Variants in ADAMTS14 observed in about 807,000 individuals in gnomAD.
ADAMTS14 encodes the protein A disintegrin and metalloproteinase with thrombospondin motifs 14.
In ADAMTS14, 100 loss-of-function variants were observed where a neutral mutation model predicts 128.6. The observed-to-expected ratio is 0.78, with a 90% CI of 0.66 to 0.92. The LOEUF (loss-of-function observed/expected upper bound fraction) is 0.92, where lower values mean the gene tolerates loss of function less well. Ranked by LOEUF, ADAMTS14 falls within the 40% of genes least tolerant of loss-of-function variation. ADAMTS14 has a pLI of 0.00. For missense variants in ADAMTS14, 1,562 were observed against 1,658.6 expected, an observed-to-expected ratio of 0.94 and a Z score of 1.01; for synonymous variants, 665 against 653.8, an observed-to-expected ratio of 1.02 and a Z score of -0.26.
chr10:70,723,793 C>T (rs1046190168), intron 4 of ADAMTS14, among the ~76,000 whole-genome samples: 5 of 152,268 alleles, frequency 3.3e-5, no homozygotes, highest in South Asian at 2.1e-4. Flanking sequence ...GAGTTGTAAA[C>T]GCTCCTCATT....
At position 70,752,152 on chromosome 10, in the gene ADAMTS14, G is replaced by A. The variant is rs370774550; in HGVS notation, c.2654G>A (p.Arg885Gln). ...AGACGAGACCACCACATGGTGCAGC[G>A]ACACCTGTGTGACCACAAGAAGAGG... The part of the protein sequence containing the change: ...RRRRDHHMVQ[R>Q]HLCDHKKRPK... Residue 885 changes from arginine (R) to glutamine (Q), a missense_variant, in exon 18 of 22, where the codon CGA becomes CAA. Physicochemically the swap from Arg to Gln is conservative, Grantham distance 43. Transcript: ENST00000373207. 9.9e-6 allele frequency: 16 copies of A among 1,613,468 alleles called. No homozygotes were observed. The highest frequency in any genetic ancestry group is 1.4e-5 in the Non-Finnish European group (16 of 1,179,976).
At position 70,730,135 on chromosome 10, in the gene ADAMTS14, C is replaced by T. The variant is rs41307534; in HGVS notation, c.988C>T (p.Arg330Cys). 3.7e-3 allele frequency: 5,895 copies of T among 1,610,890 alleles called. 35 individuals carry two copies. The highest frequency in any genetic ancestry group is 0.012 in the South Asian group (1,103 of 91,030). ...CCTGATCGAGCGCGGGAACCCCTCA[C>T]GCAGCCTGGAGCAGGTGTGTCGCTG... ...LSLIERGNPS[R>C]SLEQVCRWAH... The change falls in exon 6 of 22, where the codon CGC (arginine) becomes TGC (cysteine). Residue 330 changes from arginine to cysteine, a missense_variant. Transcript: ENST00000373207.
Position 70,753,887 on chromosome 10 carries a change from C to A in ADAMTS14, c.2817C>A (p.Leu939=). ...GGGGGATACAGTGCCTGCTGCCCCT[C>A]TCCAATGGAACCCACAAGGTCATGC... ...QTRGIQCLLP[L]SNGTHKVMPA... is the part of the protein sequence containing the mutation. The change falls in exon 19 of 22, where the codon CTC becomes CTA. Residue 939 remains leucine (L), a synonymous_variant. Transcript: ENST00000373207. The A allele has an allele frequency of 6.3e-7, 1 of 1,592,070 alleles. No individual in the cohort carries two copies. The highest frequency in any genetic ancestry group is 2.3e-5 in the East Asian group (1 of 44,074).
At chr10:70,747,480 G>A (rs12242623) in intron 15 of ADAMTS14, among the ~76,000 whole-genome samples, 9,146 of 152,182 alleles carry the variant, frequency 0.06, 889 homozygotes, top group African/African-American at 0.21. Flanking sequence ...TAGGGGCCGG[G>A]GGAGGGAAGG....
At position 70,702,386 on chromosome 10, in the gene ADAMTS14, C is replaced by T; in HGVS notation, c.597C>T (p.Ala199=). The change falls in exon 3 of 22, where the codon GCC becomes GCT. Residue 199 remains alanine, a synonymous_variant. Transcript: ENST00000373207. ...PLERGQQEKE[A]SGRTHVVYRR... is the part of the protein sequence containing the mutation. Reference sequence around the variant, plus strand: ...AGCGGGGCCAGCAGGAGAAGGAGGCCAGCGGGAGGACACATGTGGTGTACC... The same window carrying T: ...AGCGGGGCCAGCAGGAGAAGGAGGCTAGCGGGAGGACACATGTGGTGTACC... 6.2e-7 allele frequency: 1 copy of T among 1,614,118 alleles called. No homozygotes were observed. The highest frequency in any genetic ancestry group is 8.5e-7 in the Non-Finnish European group (1 of 1,180,008).
Position 70,708,674 on chromosome 10 carries a change from C to A in ADAMTS14, c.766C>A (p.Pro256Thr), listed in dbSNP as rs1306778495. Reference protein sequence around the residue: ...DTERKRRHAKPGSYSIEVLLV... With the variant: ...DTERKRRHAKTGSYSIEVLLV... ...AGAGCGGAAGCGGCGGCATGCCAAG[C>A]CAGGCAGCTACAGCATCGAGGTGCT... is the stretch of plus-strand genomic sequence containing the variant. The change falls in exon 4 of 22, where the codon CCA (proline) becomes ACA (threonine). Residue 256 changes from proline to threonine, a missense_variant. Coordinates refer to ENST00000373207, the MANE Select transcript of ADAMTS14 (RefSeq NM_080722.4). 1 of 1,613,702 alleles carries A rather than the reference C, an allele frequency of 6.2e-7. No homozygotes were observed. The highest frequency in any genetic ancestry group is 1.7e-5 in the Admixed American group (1 of 60,008).
At chr10:70,709,396 TA>T (rs1322376912) in intron 4 of ADAMTS14, among the ~76,000 whole-genome samples, 1 of 151,720 alleles carries the variant, frequency 6.6e-6, no homozygotes, top group African/African-American at 2.4e-5. Flanking sequence ...ACAGAAAAGC[TA>T]GTTTTTCAAG....
At chr10:70,719,450 G>A (rs1295481638) in intron 4 of ADAMTS14, among the ~76,000 whole-genome samples, 7 of 151,650 alleles carry the variant, frequency 4.6e-5, no homozygotes, top group Non-Finnish European at 8.8e-5. Flanking sequence ...CACCCAGGCT[G>A]GAGTGCAGTG....
intron 2 of ADAMTS14, among the ~76,000 whole-genome samples, chr10:70,685,936 T>A (rs571352542): frequency 6.6e-6 from 1 of 152,154 alleles, no homozygotes; most frequent in Non-Finnish European, 1.5e-5. Flanking sequence ...GGAGGCCAAC[T>A]AAGAAAAACA....
intron 3 of ADAMTS14, among the ~76,000 whole-genome samples, chr10:70,705,672 C>T (rs918176533): frequency 2.0e-5 from 3 of 152,390 alleles, no homozygotes; most frequent in South Asian, 2.1e-4. Context: ...CTATTCAGAA[C>T]GTTTCATGGA....
intron 10 of ADAMTS14, 110 bp from the exon 11 acceptor site, chr10:70,738,732 G>A (rs1841902845): frequency 1.4e-6 from 2 of 1,461,450 alleles, no homozygotes; most frequent in Non-Finnish European, 1.9e-6. Context: ...GCTAGGGGTG[G>A]GATTCTGCCT....
At chr10:70,701,396 A>G (rs1840487910) in intron 2 of ADAMTS14, among the ~76,000 whole-genome samples, 1 of 152,284 alleles carries the variant, frequency 6.6e-6, no homozygotes, top group Non-Finnish European at 1.5e-5. Flanking sequence ...GAAGGAATTC[A>G]ACAAATATTT....
In ADAMTS14 at chr10:70,762,009, TG is replaced by T. The variant is rs1272911507; in HGVS notation, c.*1157del. The stretch of plus-strand genomic sequence containing the variant: ...GGGAAGACACACTCACCCACGGTGC[TG>T]TAAGGGCCTGAGCTGTGCTCAGCTG... On this transcript the variant is annotated 3_prime_UTR_variant, in exon 22 of 22. Transcript: ENST00000373207. The T allele has an allele frequency of 6.5e-6, 1 of 152,694 alleles. No homozygotes were observed. The highest frequency in any genetic ancestry group is 2.4e-5 in the African/African-American group (1 of 41,444). The allele number at this position is 152,694 out of a possible 1,614,324, so 9.5% of individuals were successfully genotyped here. A position where few individuals can be genotyped will look rare whatever the true frequency, so the allele number is the denominator to read the frequency against.
At chr10:70,751,419 A>G in intron 16 of ADAMTS14, 59 bp from the exon 17 acceptor site, 1 of 1,538,016 alleles carries the variant, frequency 6.5e-7, no homozygotes, top group Non-Finnish European at 8.9e-7. Context: ...CTCCCCTCCC[A>G]GTGCATGCCG....
chr10:70,760,222 T>A (rs1180974879), intron 21 of ADAMTS14, 138 bp from the exon 22 acceptor site: 1 of 1,166,588 alleles, frequency 8.6e-7, no homozygotes. Context: ...GCCCCCACCC[T>A]GAGAAAAAGC....
At chr10:70,720,556 T>C (rs1205141213) in intron 4 of ADAMTS14, among the ~76,000 whole-genome samples, 1 of 152,080 alleles carries the variant, frequency 6.6e-6, no homozygotes, top group Non-Finnish European at 1.5e-5. Context: ...CAACCCAGGG[T>C]AAACCAGACC....
At chr10:70,683,766 G>T (rs1839880512) in intron 2 of ADAMTS14, among the ~76,000 whole-genome samples, 1 of 152,226 alleles carries the variant, frequency 6.6e-6, no homozygotes. Flanking sequence ...GGCTGGGCTG[G>T]AAGGCCCAAG....
intron 2 of ADAMTS14, among the ~76,000 whole-genome samples, chr10:70,694,531 C>T (rs1486917977): frequency 1.3e-5 from 2 of 152,166 alleles, no homozygotes; most frequent in African/African-American, 2.4e-5. Flanking sequence ...CACCCCCGAT[C>T]CAACATTACC....
chr10:70,689,504 G>C (rs1344419255), intron 2 of ADAMTS14, among the ~76,000 whole-genome samples: 3 of 145,252 alleles, frequency 2.1e-5, no homozygotes, highest in Non-Finnish European at 4.7e-5. Flanking sequence ...AAGGCGCGGA[G>C]GCCCATGGGA....
Sources: allele counts gnomAD v4.1 joint callset (sites outside exome capture counted in the v4.1 genomes callset), GRCh38; gene constraint gnomAD v4.1.1; transcripts MANE v1.5; gene names NCBI Gene and HGNC (gene_info 2026-07-23, HGNC 2026-07-21).